Variants in TCTN2 observed in about 807,000 individuals in gnomAD.
The protein encoded by TCTN2 is tectonic-2.
TCTN2 carries 66 observed loss-of-function variants against 83.4 expected under a neutral mutation model. That is an observed-to-expected ratio of 0.79 (90% CI 0.65 to 0.97). The LOEUF is 0.97. Ranked by LOEUF, TCTN2 falls within the 50% of genes least tolerant of loss-of-function variation. The pLI, the probability that TCTN2 is intolerant of heterozygous loss-of-function variation, is 0.00. For synonymous variants in TCTN2, 301 were observed against 326.7 expected, an observed-to-expected ratio of 0.92 and a Z score of 0.85; for missense variants, 794 against 858.1, an observed-to-expected ratio of 0.93 and a Z score of 0.93.
chr12:123,682,638 C>T (rs187697484), intron 5 of TCTN2, among the ~76,000 whole-genome samples: 5 of 151,934 alleles, frequency 3.3e-5, no homozygotes, highest in Admixed American at 6.6e-5. Flanking sequence ...CGTGCCACCA[C>T]GCCTGGCTAA....
chr12:123,706,780 C>A lies in TCTN2; in HGVS notation c.1824C>A (p.Ala608=). The A allele has an allele frequency of 6.2e-7, 1 of 1,614,058 alleles. No homozygotes were observed. The highest frequency in any genetic ancestry group is 8.5e-7 in the Non-Finnish European group (1 of 1,180,008). ...GTGGGCTTACCTGTGAGCACAAGGC[C>A]GACCTTCTCCCTATCAGTGCATCCG... The part of the protein sequence containing the change: ...YQCGLTCEHK[A]DLLPISASVQ... Residue 608 remains alanine, a synonymous_variant, in exon 16 of 18, where the codon GCC becomes GCA. Coordinates refer to ENST00000303372, the MANE Select transcript of TCTN2 (RefSeq NM_024809.5).
At chr12:123,683,086 G>A (rs945870776) in intron 5 of TCTN2, among the ~76,000 whole-genome samples, 4 of 151,354 alleles carry the variant, frequency 2.6e-5, no homozygotes, top group Non-Finnish European at 5.9e-5. Context: ...AGCTGGACGT[G>A]GTGGCCGGTG....
At position 123,707,360 on chromosome 12, in the gene TCTN2, C is replaced by A. The variant is rs1956243055; in HGVS notation, c.1985-244C>A. 3 of 622,194 alleles carry A rather than the reference C, an allele frequency of 4.8e-6. No individual in the cohort carries two copies. The East Asian group carries it at 8.3e-5, about 17-fold the overall frequency. 38.5% of individuals were successfully genotyped at this position (622,194 alleles called of 1,614,324 possible). A position where few individuals can be genotyped will look rare whatever the true frequency, so the allele number is the denominator to read the frequency against. ...CTCCTGGGTTCAGACAACTCTCGTG[C>A]CTCAGCCTTTGGAGTAGCTGGGATT... On this transcript the variant is annotated intron_variant, in intron 17 of 17. Coordinates refer to ENST00000303372, the MANE Select transcript of TCTN2 (RefSeq NM_024809.5).
At chr12:123,680,856 T>G (rs2135825949) in intron 5 of TCTN2, among the ~76,000 whole-genome samples, 1 of 152,120 alleles carries the variant, frequency 6.6e-6, no homozygotes, top group African/African-American at 2.4e-5. Context: ...TCAGTCTAGT[T>G]TTTGGAAGAA....
At chr12:123,679,357 G>A (rs1472515885) in intron 5 of TCTN2, 68 bp downstream of exon 5, 37 of 1,392,300 alleles carry the variant, frequency 2.7e-5, no homozygotes, top group Non-Finnish European at 3.4e-5. Context: ...TCCACCAACA[G>A]CTTTTTTCAT....
intron 13 of TCTN2, 115 bp downstream of exon 13, chr12:123,697,313 G>A: frequency 1.3e-6 from 1 of 797,124 alleles, no homozygotes; most frequent in Non-Finnish European, 2.2e-6. Flanking sequence ...ATTAAAATGT[G>A]TAAAAGTGAT....
At chr12:123,678,803 C>CT (rs142489839) in intron 4 of TCTN2, among the ~76,000 whole-genome samples, 79 of 143,332 alleles carry the variant, frequency 5.5e-4, no homozygotes, top group East Asian at 1.2e-3. Flanking sequence ...ATTCAGCTTG[C>CT]TTTTTTTTTT....
At chr12:123,697,895 G>A (rs1160279560) in intron 13 of TCTN2, among the ~76,000 whole-genome samples, 3 of 146,006 alleles carry the variant, frequency 2.1e-5, no homozygotes, top group African/African-American at 7.6e-5. Context: ...GGGTCTCACT[G>A]TGTTTCCCAG....
At chr12:123,682,141 T>A (rs2135827555) in intron 5 of TCTN2, among the ~76,000 whole-genome samples, 1 of 152,292 alleles carries the variant, frequency 6.6e-6, no homozygotes, top group East Asian at 1.9e-4. Flanking sequence ...CAGTTAATTT[T>A]TGTGTTTTTT....
rs1956247218 is a variant in TCTN2, at chr12:123,707,674, C to G, written c.2055C>G (p.Leu685=). The G allele has an allele frequency of 6.2e-7, 1 of 1,614,078 alleles. No homozygotes were observed. The highest frequency in any genetic ancestry group is 1.7e-5 in the Admixed American group (1 of 59,986). ...LLLFLTLALF[L]SNPWTRICKA... ...TGTTCCTCACATTGGCCTTGTTCCT[C>G]AGCAACCCCTGGACCAGAATATGCA... The change falls in exon 18 of 18, where the codon CTC becomes CTG. Residue 685 remains leucine (L), a synonymous_variant. Transcript: ENST00000303372.
At chr12:123,691,627 C>T (rs939548337) in intron 8 of TCTN2, among the ~76,000 whole-genome samples, 13 of 152,012 alleles carry the variant, frequency 8.6e-5, no homozygotes, top group African/African-American at 7.3e-5. Flanking sequence ...CAAGTTTTTG[C>T]GTAGATGTGT....
At chr12:123,671,903 A>C (rs1955757694) in intron 2 of TCTN2, among the ~76,000 whole-genome samples, 153 bp from the exon 3 acceptor site, 1 of 152,204 alleles carries the variant, frequency 6.6e-6, no homozygotes, top group African/African-American at 2.4e-5. Context: ...GGAAGAAACA[A>C]GTTCAGAGAG....
At chr12:123,684,827 T>A (rs1955944223) in intron 5 of TCTN2, among the ~76,000 whole-genome samples, 1 of 151,864 alleles carries the variant, frequency 6.6e-6, no homozygotes, top group South Asian at 2.1e-4. Flanking sequence ...CGAGGTGGGT[T>A]GATCATGAGG....
At chr12:123,684,004 C>T (rs1054111998) in intron 5 of TCTN2, among the ~76,000 whole-genome samples, 9 of 152,108 alleles carry the variant, frequency 5.9e-5, no homozygotes, top group African/African-American at 2.2e-4. Flanking sequence ...TTACTGGTAC[C>T]CAAGTCCCAA....
At chr12:123,698,379 CAGT>C (rs1358924376) in intron 13 of TCTN2, among the ~76,000 whole-genome samples, 1 of 150,608 alleles carries the variant, frequency 6.6e-6, no homozygotes, top group Admixed American at 6.6e-5. Flanking sequence ...TTTTTTTTGA[CAGT>C]AGCCATCCTA....
At chr12:123,676,048 G>T (rs1316570389) in intron 4 of TCTN2, among the ~76,000 whole-genome samples, 12 of 152,180 alleles carry the variant, frequency 7.9e-5, no homozygotes, top group Non-Finnish European at 4.4e-5. Flanking sequence ...AGAGGCTGAG[G>T]TGAGTGGGCC....
At chr12:123,694,278 C>T (rs1245440790) in intron 9 of TCTN2, among the ~76,000 whole-genome samples, 2 of 152,168 alleles carry the variant, frequency 1.3e-5, no homozygotes, top group African/African-American at 4.8e-5. Context: ...CAGGCGTGAG[C>T]CACCGCACCC....
intron 3 of TCTN2, among the ~76,000 whole-genome samples, chr12:123,672,579 TA>T (rs970809070): frequency 2.8e-4 from 41 of 147,274 alleles, no homozygotes; most frequent in African/African-American, 8.5e-4. Context: ...ACAAAACAAT[TA>T]AAAAAAAAAT....
At chr12:123,683,148 A>G (rs1955920243) in intron 5 of TCTN2, among the ~76,000 whole-genome samples, 1 of 151,804 alleles carries the variant, frequency 6.6e-6, no homozygotes, top group Non-Finnish European at 1.5e-5. Context: ...ACTTGAACCC[A>G]GGAGGCAGAG....
Sources: gnomAD v4.1 joint callset for allele counts (sites outside exome capture counted in the v4.1 genomes callset) on GRCh38, gnomAD v4.1.1 for gene constraint, MANE v1.5 for transcripts, NCBI Gene and HGNC (gene_info 2026-07-23, HGNC 2026-07-21) for gene names.